The following HS6ST3 variants were observed in gnomAD, a reference collection of about 807,000 sequenced individuals.
HS6ST3 encodes heparan-sulfate 6-O-sulfotransferase 3.
A neutral mutation model predicts 36.7 loss-of-function variants in HS6ST3; 12 were observed. The observed-to-expected ratio is 0.33, with a 90% CI of 0.21 to 0.53. The LOEUF is 0.53. HS6ST3 is among the 20% of genes least tolerant of loss of function. The pLI, the probability that HS6ST3 is intolerant of heterozygous loss-of-function variation, is 0.95. For missense variants in HS6ST3, 584 were observed against 640.9 expected (o/e 0.91, Z 0.96); for synonymous variants, 240 against 257.5 (o/e 0.93, Z 0.65).
At chr13:96,406,940 A>G (rs939489639) in intron 1 of HS6ST3, among the ~76,000 whole-genome samples, 5 of 152,192 alleles carry the variant, frequency 3.3e-5, no homozygotes, top group Admixed American at 2.0e-4. Flanking sequence ...TACATATACA[A>G]CTGTACATTT....
intron 1 of HS6ST3, among the ~76,000 whole-genome samples, chr13:96,775,094 C>T (rs899834433): frequency 8.6e-5 from 13 of 151,854 alleles, no homozygotes; most frequent in Admixed American, 5.3e-4. Context: ...GCTTCATAAG[C>T]GAAGGAGAAA....
chr13:96,570,726 G>A (rs2056298053), intron 1 of HS6ST3, among the ~76,000 whole-genome samples: 1 of 152,202 alleles, frequency 6.6e-6, no homozygotes, highest in South Asian at 2.1e-4. Flanking sequence ...TGACCAAAGA[G>A]TAGCAGAAAT....
intron 1 of HS6ST3, among the ~76,000 whole-genome samples, chr13:96,126,930 T>G (rs1224723504): frequency 1.3e-5 from 2 of 152,120 alleles, no homozygotes; most frequent in African/African-American, 4.8e-5. Flanking sequence ...GTAGATGGCC[T>G]TTGTTTGCTG....
chr13:96,382,349 C>T (rs1405275681), intron 1 of HS6ST3, among the ~76,000 whole-genome samples: 1 of 152,132 alleles, frequency 6.6e-6, no homozygotes, highest in Non-Finnish European at 1.5e-5. Context: ...AACAATATGG[C>T]TTTAAATGAA....
chr13:96,726,314 G>T (rs572180270), intron 1 of HS6ST3, among the ~76,000 whole-genome samples: 1 of 152,224 alleles, frequency 6.6e-6, no homozygotes, highest in East Asian at 1.9e-4. Context: ...TAAATAATTT[G>T]TGGAGAATTG....
At chr13:96,771,197 C>T (rs1594856283) in intron 1 of HS6ST3, among the ~76,000 whole-genome samples, 1 of 145,608 alleles carries the variant, frequency 6.9e-6, no homozygotes, top group Non-Finnish European at 1.5e-5. Flanking sequence ...CGCATGTTCT[C>T]ACTCATAGGT....
chr13:96,590,739 G>T (rs549990108), intron 1 of HS6ST3, among the ~76,000 whole-genome samples: 1 of 152,008 alleles, frequency 6.6e-6, no homozygotes, highest in African/African-American at 2.4e-5. Context: ...CTATACTTGT[G>T]GGGTATTACT....
chr13:96,598,052 C>T (rs1350834681), intron 1 of HS6ST3, among the ~76,000 whole-genome samples: 1 of 151,994 alleles, frequency 6.6e-6, no homozygotes, highest in Non-Finnish European at 1.5e-5. Context: ...TATACCAGTG[C>T]CATGCTGTTT....
intron 1 of HS6ST3, among the ~76,000 whole-genome samples, chr13:96,280,676 G>A (rs1317675139): frequency 6.6e-6 from 1 of 152,174 alleles, no homozygotes; most frequent in Non-Finnish European, 1.5e-5. Context: ...TGTATTTACA[G>A]TTGCAGAGAA....
intron 1 of HS6ST3, among the ~76,000 whole-genome samples, chr13:96,822,001 A>G (rs1878544942): frequency 6.6e-6 from 1 of 152,242 alleles, no homozygotes; most frequent in African/African-American, 2.4e-5. Flanking sequence ...GCACTGAGCA[A>G]TTACAACGGA....
intron 1 of HS6ST3, among the ~76,000 whole-genome samples, chr13:96,795,182 T>C (rs753627308): frequency 6.6e-6 from 1 of 152,012 alleles, no homozygotes; most frequent in Non-Finnish European, 1.5e-5. Flanking sequence ...TTCTTTACTG[T>C]CTTTCAAAGT....
chr13:96,500,239 A>T (rs1005540559), intron 1 of HS6ST3, among the ~76,000 whole-genome samples: 3 of 152,092 alleles, frequency 2.0e-5, no homozygotes, highest in Admixed American at 1.3e-4. Flanking sequence ...AGGCTCATCC[A>T]TGTTGTAGCA....
intron 1 of HS6ST3, among the ~76,000 whole-genome samples, chr13:96,357,075 A>G (rs2055213709): frequency 6.6e-6 from 1 of 152,082 alleles, no homozygotes; most frequent in Admixed American, 6.5e-5. Context: ...CAATTTCCTC[A>G]CTTCTCTCAG....
chr13:96,741,902 A>G (rs1876447836), intron 1 of HS6ST3, among the ~76,000 whole-genome samples: 1 of 152,150 alleles, frequency 6.6e-6, no homozygotes, highest in Non-Finnish European at 1.5e-5. Context: ...CGGGGGTCTG[A>G]TGACCACACT....
intron 1 of HS6ST3, among the ~76,000 whole-genome samples, chr13:96,663,639 C>T (rs2056654056): frequency 6.6e-6 from 1 of 152,126 alleles, no homozygotes; most frequent in African/African-American, 2.4e-5. Context: ...AGCCCTGTTC[C>T]CACTTCTAGG....
chr13:96,430,047 T>C (rs1011444859), intron 1 of HS6ST3, among the ~76,000 whole-genome samples: 1 of 152,220 alleles, frequency 6.6e-6, no homozygotes, highest in African/African-American at 2.4e-5. Context: ...CACAATTTGA[T>C]TTAATGTACT....
intron 1 of HS6ST3, among the ~76,000 whole-genome samples, chr13:96,092,455 C>T (rs564416840): frequency 6.6e-6 from 1 of 152,180 alleles, no homozygotes; most frequent in Non-Finnish European, 1.5e-5. Flanking sequence ...ACATTATTAA[C>T]ATGCTTTGAG....
Position 96,390,831 on chromosome 13 carries a change from TGTCCTCTTTG to T in HS6ST3, c.707+299267_707+299276del, listed in dbSNP as rs774114083. Among the ~76,000 whole-genome samples the T allele has an allele frequency of 2.6e-5, 4 of 152,206 alleles. No homozygotes were observed. In the South Asian group the frequency reaches 8.3e-4, roughly 32 times the overall value. ...AGCCTCTTAATTGACCACCAGTTTC[TGTCCTCTTTG>T]GTCCGTCTCATACAGTTCAGGTTTC... On this transcript the variant is annotated intron_variant, in intron 1 of 1. Transcript: ENST00000376705.
intron 1 of HS6ST3, among the ~76,000 whole-genome samples, chr13:96,352,205 G>C (rs942144565): frequency 6.6e-6 from 1 of 152,110 alleles, no homozygotes; most frequent in Non-Finnish European, 1.5e-5. Context: ...ACCCAAATTC[G>C]ATGACTTAAA....
Sources: allele counts gnomAD v4.1 joint callset (sites outside exome capture counted in the v4.1 genomes callset), GRCh38; gene constraint gnomAD v4.1.1; transcripts MANE v1.5; gene names NCBI Gene and HGNC (gene_info 2026-07-23, HGNC 2026-07-21).